The following LSAMP variants were observed in gnomAD, a reference collection of about 807,000 sequenced individuals.
LSAMP encodes limbic system-associated membrane protein.
A neutral mutation model predicts 38.6 loss-of-function variants in LSAMP; 7 were observed. The ratio of observed to expected loss-of-function variants is 0.18; its 90% CI spans 0.10 to 0.34. The LOEUF (loss-of-function observed/expected upper bound fraction) is 0.34. Ranked by LOEUF, LSAMP falls within the 10% of genes least tolerant of loss-of-function variation. The probability of loss-of-function intolerance (pLI) is 1.00; values close to 1 mark genes in which losing one functional copy is unlikely to be tolerated. For missense variants in LSAMP, 313 were observed against 420.0 expected (o/e 0.75, Z 2.23); for synonymous variants, 154 against 166.8 (o/e 0.92, Z 0.59).
At chr3:116,167,504 C>T (rs1710088902) in intron 1 of LSAMP, among the ~76,000 whole-genome samples, 1 of 151,920 alleles carries the variant, frequency 6.6e-6, no homozygotes, top group Non-Finnish European at 1.5e-5. Flanking sequence ...GTGTAGCTGG[C>T]CTTTCTATCT....
intron 3 of LSAMP, among the ~76,000 whole-genome samples, chr3:115,917,403 C>T (rs1360122163): frequency 2.0e-5 from 3 of 152,152 alleles, no homozygotes; most frequent in African/African-American, 7.2e-5. Context: ...AGTAACAGGA[C>T]CCATCTCTCA....
intron 5 of LSAMP, 33 bp from the exon 6 acceptor site, chr3:115,842,026 T>A (rs748885816): frequency 1.7e-5 from 27 of 1,585,232 alleles, no homozygotes; most frequent in Non-Finnish European, 1.7e-6. Flanking sequence ...ATAGAAAGGA[T>A]CACTGGTGAA....
chr3:116,039,524 AC>A (rs768962921), intron 2 of LSAMP, among the ~76,000 whole-genome samples: 1 of 152,208 alleles, frequency 6.6e-6, no homozygotes, highest in Non-Finnish European at 1.5e-5. Flanking sequence ...TTATGGAGGC[AC>A]CATGCACCAT....
intron 1 of LSAMP, among the ~76,000 whole-genome samples, chr3:116,194,220 T>C (rs1159280160): frequency 2.0e-5 from 3 of 152,112 alleles, no homozygotes; most frequent in Non-Finnish European, 2.9e-5. Flanking sequence ...GGACAAATGC[T>C]CATGGCTCCC....
intron 3 of LSAMP, among the ~76,000 whole-genome samples, chr3:115,879,526 T>G (rs951695549): frequency 6.6e-6 from 1 of 152,138 alleles, no homozygotes; most frequent in South Asian, 2.1e-4. Context: ...CATTAGAAGG[T>G]AGAAAGAGAC....
At chr3:116,231,505 G>A (rs2107628003) in intron 1 of LSAMP, among the ~76,000 whole-genome samples, 1 of 152,322 alleles carries the variant, frequency 6.6e-6, no homozygotes, top group South Asian at 2.1e-4. Flanking sequence ...TGTGCTTAAT[G>A]GGATCCTAGT....
intron 3 of LSAMP, among the ~76,000 whole-genome samples, chr3:115,949,408 T>C (rs1235062901): frequency 6.6e-6 from 1 of 152,020 alleles, no homozygotes; most frequent in Non-Finnish European, 1.5e-5. Flanking sequence ...TTTTATTTAT[T>C]TATTTAGATT....
At chr3:116,110,261 C>T (rs573226138) in intron 1 of LSAMP, among the ~76,000 whole-genome samples, 1 of 151,738 alleles carries the variant, frequency 6.6e-6, no homozygotes, top group East Asian at 1.9e-4. Flanking sequence ...GGTACTTGCC[C>T]TTTCCCCAGA....
chr3:116,323,396 C>A (rs75459545), intron 1 of LSAMP, among the ~76,000 whole-genome samples: 16,492 of 151,984 alleles, frequency 0.11, 916 homozygotes, highest in Middle Eastern at 0.16. Flanking sequence ...TTGCATGATT[C>A]AGCTTCAATA....
intron 1 of LSAMP, among the ~76,000 whole-genome samples, chr3:116,390,569 AG>A (rs2048679376): frequency 6.6e-6 from 1 of 151,990 alleles, no homozygotes; most frequent in Non-Finnish European, 1.5e-5. Context: ...ATGGAAGAAA[AG>A]GCAAGGACCA....
chr3:116,287,957 C>T (rs1191003448), intron 1 of LSAMP, among the ~76,000 whole-genome samples: 1 of 152,112 alleles, frequency 6.6e-6, no homozygotes, highest in East Asian at 1.9e-4. Context: ...ATTTCCTCTC[C>T]ATTTCTAATA....
At chr3:115,924,709 C>T (rs1476622455) in intron 3 of LSAMP, among the ~76,000 whole-genome samples, 2 of 152,162 alleles carry the variant, frequency 1.3e-5, no homozygotes, top group Admixed American at 6.5e-5. Context: ...CAGGGAAATA[C>T]AATATGCTTA....
intron 3 of LSAMP, among the ~76,000 whole-genome samples, chr3:115,965,668 A>G (rs1251375820): frequency 6.6e-6 from 1 of 151,308 alleles, no homozygotes; most frequent in African/African-American, 2.4e-5. Context: ...TGAATACAAA[A>G]CTCTTAAAGT....
chr3:116,127,457 G>T (rs1232608185), intron 1 of LSAMP, among the ~76,000 whole-genome samples: 1 of 151,990 alleles, frequency 6.6e-6, no homozygotes, highest in Non-Finnish European at 1.5e-5. Flanking sequence ...TACCCAACAG[G>T]TGACAGAAAG....
intron 1 of LSAMP, among the ~76,000 whole-genome samples, chr3:116,211,918 T>C (rs906546196): frequency 4.6e-5 from 7 of 152,296 alleles, no homozygotes; most frequent in Admixed American, 2.6e-4. Flanking sequence ...GAGACGTTGG[T>C]TCCATGGGTT....
At chr3:116,250,895 C>A (rs1346751099) in intron 1 of LSAMP, among the ~76,000 whole-genome samples, 3 of 151,864 alleles carry the variant, frequency 2.0e-5, no homozygotes, top group African/African-American at 7.3e-5. Context: ...TTGGGGGGAA[C>A]AAAAGAAAGC....
intron 1 of LSAMP, among the ~76,000 whole-genome samples, chr3:116,224,719 G>C (rs1286781093): frequency 1.3e-5 from 2 of 152,138 alleles, no homozygotes; most frequent in African/African-American, 4.8e-5. Context: ...AGGTACAATG[G>C]AATAGGCAAT....
chr3:116,065,914 T>C (rs541278879), intron 2 of LSAMP, among the ~76,000 whole-genome samples: 35 of 152,372 alleles, frequency 2.3e-4, no homozygotes, highest in Non-Finnish European at 4.9e-4. Context: ...GTTTCCATTA[T>C]TTTATCTATA....
intron 1 of LSAMP, among the ~76,000 whole-genome samples, chr3:116,094,361 C>T (rs1459323352): frequency 2.0e-5 from 3 of 152,222 alleles, no homozygotes; most frequent in African/African-American, 7.2e-5. Flanking sequence ...TGTCTGCTAT[C>T]TTGGTGTCAT....
Sources: allele counts gnomAD v4.1 joint callset (sites outside exome capture counted in the v4.1 genomes callset), GRCh38; gene constraint gnomAD v4.1.1; transcripts MANE v1.5; gene names NCBI Gene and HGNC (gene_info 2026-07-23, HGNC 2026-07-21).